Variants in CCBE1 observed in about 807,000 individuals in gnomAD.
The protein encoded by CCBE1 is collagen and calcium binding EGF domains 1.
A neutral mutation model predicts 50.0 loss-of-function variants in CCBE1; 37 were observed. That is an observed-to-expected ratio of 0.74 (90% CI 0.57 to 0.97). The LOEUF (loss-of-function observed/expected upper bound fraction) is 0.97. Ranked by LOEUF, CCBE1 falls within the 50% of genes least tolerant of loss-of-function variation. The pLI is 0.00. For missense variants in CCBE1, 538 were observed against 523.8 expected (o/e 1.03, Z -0.26); for synonymous variants, 234 against 203.7 (o/e 1.15, Z -1.27).
chr18:59,512,485 T>C (rs918257475), intron 2 of CCBE1, among the ~76,000 whole-genome samples: 2 of 152,198 alleles, frequency 1.3e-5, no homozygotes, highest in Admixed American at 1.3e-4. Flanking sequence ...CCTTTCTAAT[T>C]TCAGCAGGAG....
intron 10 of CCBE1, 28 bp from the exon 11 acceptor site, chr18:59,436,169 G>A: frequency 1.2e-6 from 2 of 1,602,942 alleles, no homozygotes; most frequent in Non-Finnish European, 8.5e-7. Context: ...ATCAAAGCTA[G>A]AATACGACAG....
At chr18:59,457,958 A>G (rs1422216637) in intron 5 of CCBE1, among the ~76,000 whole-genome samples, 1 of 152,234 alleles carries the variant, frequency 6.6e-6, no homozygotes, top group East Asian at 1.9e-4. Context: ...ACTGCAGGAA[A>G]TGGTGGGCTC....
At chr18:59,624,979 C>T (rs1003169907) in intron 2 of CCBE1, among the ~76,000 whole-genome samples, 4 of 152,252 alleles carry the variant, frequency 2.6e-5, no homozygotes, top group African/African-American at 9.6e-5. Flanking sequence ...AAAATTCACA[C>T]AGCTAAATCT....
At position 59,438,136 on chromosome 18, in the gene CCBE1, C is replaced by T; in HGVS notation, c.962G>A (p.Gly321Glu). Residue 321 changes from glycine (G) to glutamate (E), a missense_variant, in exon 10 of 11, where the codon GGA becomes GAA. Transcript: ENST00000439986. ...TGGAGACCCTCTGGGCCCAGGCGCTCCTCTCTCCCCCTAAAAACAGAAAGG... is the reference window on the plus strand; with the variant it reads ...TGGAGACCCTCTGGGCCCAGGCGCTTCTCTCTCCCCCTAAAAACAGAAAGG... ...PGRDGSKGER[G>E]APGPRGSPGP... 1 of 1,614,118 alleles carries T rather than the reference C, an allele frequency of 6.2e-7. No individual in the cohort carries two copies. Among genetic ancestry groups the T allele is most frequent in the Non-Finnish European group, 8.5e-7 (1 of 1,180,024 alleles).
At chr18:59,672,939 A>T (rs77139940) in intron 2 of CCBE1, among the ~76,000 whole-genome samples, 1 of 152,098 alleles carries the variant, frequency 6.6e-6, no homozygotes, top group African/African-American at 2.4e-5. Flanking sequence ...TCAAGATCTC[A>T]CAAATCACCG....
At chr18:59,521,307 A>C (rs1359388079) in intron 2 of CCBE1, among the ~76,000 whole-genome samples, 1 of 152,264 alleles carries the variant, frequency 6.6e-6, no homozygotes, top group Non-Finnish European at 1.5e-5. Flanking sequence ...TGATTTCAAC[A>C]CAACTGTGTT....
intron 2 of CCBE1, among the ~76,000 whole-genome samples, chr18:59,615,851 A>G (rs2053629853): frequency 6.6e-6 from 1 of 152,220 alleles, no homozygotes; most frequent in African/African-American, 2.4e-5. Flanking sequence ...AGAGAAGGAA[A>G]GAATAAGAAG....
chr18:59,674,433 T>G (rs1474631983), intron 2 of CCBE1, among the ~76,000 whole-genome samples: 1 of 151,774 alleles, frequency 6.6e-6, no homozygotes, highest in Non-Finnish European at 1.5e-5. Context: ...AACACATGGA[T>G]ACAGGGAGGG....
At chr18:59,486,698 G>T (rs2120707) in intron 2 of CCBE1, among the ~76,000 whole-genome samples, 4 of 152,008 alleles carry the variant, frequency 2.6e-5, no homozygotes, top group African/African-American at 7.2e-5. Flanking sequence ...AGCTATTAAG[G>T]AAAGTGGAGA....
intron 5 of CCBE1, 112 bp from the exon 6 acceptor site, chr18:59,455,063 T>C (rs916036245): frequency 1.6e-5 from 13 of 815,050 alleles, no homozygotes; most frequent in Non-Finnish European, 2.1e-5. Context: ...CAGCGGGACA[T>C]GCGAGGGCTC....
chr18:59,467,343 T>C (rs961040180), intron 4 of CCBE1, among the ~76,000 whole-genome samples: 5 of 152,204 alleles, frequency 3.3e-5, no homozygotes, highest in Non-Finnish European at 5.9e-5. Flanking sequence ...CTTTATGGTA[T>C]AGGTTCCAAA....
At chr18:59,576,339 G>C (rs760243529) in intron 2 of CCBE1, among the ~76,000 whole-genome samples, 1 of 152,206 alleles carries the variant, frequency 6.6e-6, no homozygotes, top group Admixed American at 6.5e-5. Flanking sequence ...CTTCATAAGA[G>C]AATATCAGTG....
intron 2 of CCBE1, among the ~76,000 whole-genome samples, chr18:59,485,023 G>T (rs573449788): frequency 6.6e-6 from 1 of 152,302 alleles, no homozygotes; most frequent in South Asian, 2.1e-4. Context: ...CTGCTGTGTG[G>T]TTTTTATCTT....
intron 2 of CCBE1, chr18:59,563,872 G>A: frequency 6.6e-6 from 1 of 152,210 alleles, no homozygotes; most frequent in Non-Finnish European, 1.5e-5. Context: ...CTGGGGCAGG[G>A]AACGTGATGA....
rs552739121 is a variant in CCBE1, at chr18:59,443,287, C to T, written c.776-3471G>A. Among the ~76,000 whole-genome samples the T allele has an allele frequency of 1.9e-3, 283 of 152,286 alleles. 2 individuals are homozygous for T. Among genetic ancestry groups the T allele is most frequent in the African/African-American group, 6.4e-3 (267 of 41,554 alleles). ...TTTCTGCCCACACCGGGGACTCTAG[C>T]GGACACCTTGCTGGCTCAAGGGCCA... On this transcript the variant is annotated intron_variant, in intron 7 of 10. Coordinates refer to ENST00000439986, the MANE Select transcript of CCBE1 (RefSeq NM_133459.4).
intron 2 of CCBE1, among the ~76,000 whole-genome samples, chr18:59,557,987 C>T (rs2052678461): frequency 6.6e-6 from 1 of 151,998 alleles, no homozygotes; most frequent in African/African-American, 2.4e-5. Flanking sequence ...ATTTCAAAGA[C>T]ATAACATGGT....
At chr18:59,657,015 G>C (rs904627566) in intron 2 of CCBE1, among the ~76,000 whole-genome samples, 1 of 152,170 alleles carries the variant, frequency 6.6e-6, no homozygotes. Flanking sequence ...GAATGGACAG[G>C]CCAGGACCCC....
intron 2 of CCBE1, among the ~76,000 whole-genome samples, chr18:59,626,226 A>C (rs892735262): frequency 6.6e-6 from 1 of 152,236 alleles, no homozygotes; most frequent in Admixed American, 6.5e-5. Context: ...TTGTAAATAA[A>C]GTTCCACCTT....
intron 2 of CCBE1, among the ~76,000 whole-genome samples, chr18:59,583,392 C>T (rs1235130296): frequency 2.0e-5 from 3 of 152,144 alleles, no homozygotes; most frequent in East Asian, 1.9e-4. Flanking sequence ...TCAATGCCCA[C>T]GATTTCAGAC....
Sources: allele counts gnomAD v4.1 joint callset (sites outside exome capture counted in the v4.1 genomes callset), GRCh38; gene constraint gnomAD v4.1.1; transcripts MANE v1.5; gene names NCBI Gene and HGNC (gene_info 2026-07-23, HGNC 2026-07-21).